The following FGGY variants were observed in gnomAD, a reference collection of about 807,000 sequenced individuals.
FGGY encodes FGGY carbohydrate kinase domain-containing protein.
In FGGY, 72 loss-of-function variants were observed where a neutral mutation model predicts 71.3. That is an observed-to-expected ratio of 1.01 (90% CI 0.84 to 1.23). The LOEUF is 1.23. Ranked by LOEUF, FGGY falls within the 50% of genes most tolerant of loss-of-function variation. The pLI is 0.00. For missense variants in FGGY, 668 were observed against 682.3 expected (o/e 0.98, Z 0.23); for synonymous variants, 251 against 250.3 (o/e 1.00, Z -0.02).
At chr1:59,581,983 G>C (rs7523439) in intron 8 of FGGY, among the ~76,000 whole-genome samples, 1 of 149,420 alleles carries the variant, frequency 6.7e-6, no homozygotes, top group Non-Finnish European at 1.5e-5. Flanking sequence ...AAACCCAAAA[G>C]GAGCTTTAAA....
chr1:59,348,563 A>T (rs1450359163), intron 4 of FGGY, among the ~76,000 whole-genome samples: 1 of 152,112 alleles, frequency 6.6e-6, no homozygotes, highest in Non-Finnish European at 1.5e-5. Flanking sequence ...GAAGTAGAGA[A>T]TCCATCTAAT....
rs532939230 is a variant in FGGY at position 59,731,814 on chromosome 1, A to T, written c.1513-26117A>T. 8.5e-5 allele frequency among the ~76,000 whole-genome samples: 13 copies of T among 152,130 alleles called. 1 individual carries two copies. In the South Asian group the frequency reaches 1.5e-3, roughly 17 times the overall value. ...TGCCTCTGAGTGTTCTAAGAGTCAGAATCCCCTGGAATCTGGCTCTGATCC... is the reference window on the plus strand; with the variant it reads ...TGCCTCTGAGTGTTCTAAGAGTCAGTATCCCCTGGAATCTGGCTCTGATCC... On this transcript the variant is annotated intron_variant, in intron 14 of 15. Coordinates refer to ENST00000303721, the MANE Select transcript of FGGY (RefSeq NM_018291.5).
chr1:59,513,940 C>T (rs114307617), intron 7 of FGGY, among the ~76,000 whole-genome samples: 2,147 of 152,362 alleles, frequency 0.014, 27 homozygotes, highest in Non-Finnish European at 0.018. Context: ...TCCTCAGGAT[C>T]TAAAACAGTG....
intron 14 of FGGY, among the ~76,000 whole-genome samples, chr1:59,750,644 C>A (rs2098237511): frequency 6.6e-6 from 1 of 152,152 alleles, no homozygotes; most frequent in African/African-American, 2.4e-5. Context: ...GTCTCCAATT[C>A]ATGGGGGTTA....
In FGGY at chr1:59,596,037, G is replaced by A. The variant is rs1411197492; in HGVS notation, c.904-11766G>A. Among the ~76,000 whole-genome samples, 6 of 152,212 alleles carry A rather than the reference G, an allele frequency of 3.9e-5. No individual in the cohort carries two copies. In the East Asian group the frequency reaches 1.2e-3, roughly 29 times the overall value. ...GTGTTTACATACCTTACATATTAGCGTGATCTTTTATAGAGTACAGGCAGA... is the reference window on the plus strand; with the variant it reads ...GTGTTTACATACCTTACATATTAGCATGATCTTTTATAGAGTACAGGCAGA... On this transcript the variant is annotated intron_variant, in intron 8 of 15. Transcript: ENST00000303721.
chr1:59,344,291 T>G (rs539315416), intron 3 of FGGY, among the ~76,000 whole-genome samples: 102 of 151,024 alleles, frequency 6.8e-4, no homozygotes, highest in Non-Finnish European at 1.0e-3. Flanking sequence ...CTTCTTACAT[T>G]GGCTTTTTTT....
At chr1:59,590,738 A>T (rs1272139891) in intron 8 of FGGY, among the ~76,000 whole-genome samples, 1 of 152,182 alleles carries the variant, frequency 6.6e-6, no homozygotes, top group African/African-American at 2.4e-5. Flanking sequence ...AAATTCAACA[A>T]CGCCTTATGC....
intron 5 of FGGY, among the ~76,000 whole-genome samples, chr1:59,388,145 G>A (rs1226115400): frequency 6.6e-6 from 1 of 151,890 alleles, no homozygotes; most frequent in Non-Finnish European, 1.5e-5. Context: ...ACATACATAG[G>A]AGTTGGGGCA....
At chr1:59,442,589 A>T (rs2070210512) in intron 5 of FGGY, among the ~76,000 whole-genome samples, 1 of 152,126 alleles carries the variant, frequency 6.6e-6, no homozygotes, top group African/African-American at 2.4e-5. Flanking sequence ...TCTTGTGTGG[A>T]AAATCTTAAT....
chr1:59,746,101 G>A (rs1204074805), intron 14 of FGGY, among the ~76,000 whole-genome samples: 6 of 152,124 alleles, frequency 3.9e-5, no homozygotes, highest in Non-Finnish European at 8.8e-5. Flanking sequence ...TAAACCTCCA[G>A]GTAGATAGGG....
intron 14 of FGGY, among the ~76,000 whole-genome samples, chr1:59,743,743 T>A (rs753662480): frequency 1.3e-5 from 2 of 152,246 alleles, no homozygotes; most frequent in African/African-American, 2.4e-5. Context: ...TTTCTTTGTT[T>A]GTTTTAAGTA....
At chr1:59,604,155 T>G (rs1204108237) in intron 8 of FGGY, among the ~76,000 whole-genome samples, 1 of 152,222 alleles carries the variant, frequency 6.6e-6, no homozygotes, top group Non-Finnish European at 1.5e-5. Context: ...CTGTCATCAA[T>G]GTAGTATGAT....
intron 4 of FGGY, among the ~76,000 whole-genome samples, chr1:59,357,150 T>C (rs1050235236): frequency 1.3e-5 from 2 of 152,220 alleles, no homozygotes; most frequent in Non-Finnish European, 2.9e-5. Flanking sequence ...TTGAGGCTGA[T>C]GGCTTGCCTT....
At chr1:59,513,426 A>G (rs1055846347) in intron 7 of FGGY, among the ~76,000 whole-genome samples, 1 of 152,176 alleles carries the variant, frequency 6.6e-6, no homozygotes, top group Non-Finnish European at 1.5e-5. Flanking sequence ...CTTGGCACAC[A>G]TGTTCTTTGT....
chr1:59,579,877 A>G (rs1193858268), intron 8 of FGGY, among the ~76,000 whole-genome samples: 1 of 152,100 alleles, frequency 6.6e-6, no homozygotes, highest in Non-Finnish European at 1.5e-5. Flanking sequence ...AAAATAAAAG[A>G]TCTGTTCCTC....
At chr1:59,748,090 C>A (rs1293694014) in intron 14 of FGGY, among the ~76,000 whole-genome samples, 2 of 151,952 alleles carry the variant, frequency 1.3e-5, no homozygotes, top group Non-Finnish European at 2.9e-5. Flanking sequence ...CAGTACCTTG[C>A]GTAAAATAGG....
chr1:59,587,633 G>A (rs1393292461), intron 8 of FGGY, among the ~76,000 whole-genome samples: 2 of 152,202 alleles, frequency 1.3e-5, no homozygotes, highest in Non-Finnish European at 1.5e-5. Flanking sequence ...TGCATTCGCG[G>A]TTCACGATAA....
intron 5 of FGGY, among the ~76,000 whole-genome samples, chr1:59,441,275 A>C (rs1207211325): frequency 6.6e-6 from 1 of 152,168 alleles, no homozygotes; most frequent in Non-Finnish European, 1.5e-5. Context: ...TGGCTAGAGC[A>C]TTCTAAGTGG....
intron 14 of FGGY, among the ~76,000 whole-genome samples, chr1:59,705,358 G>A (rs950905740): frequency 1.3e-5 from 2 of 152,104 alleles, no homozygotes; most frequent in Admixed American, 6.6e-5. Context: ...GACTGATAAT[G>A]TTTTAGACTT....
Sources: gnomAD v4.1 joint callset for allele counts (sites outside exome capture counted in the v4.1 genomes callset) on GRCh38, gnomAD v4.1.1 for gene constraint, MANE v1.5 for transcripts, NCBI Gene and HGNC (gene_info 2026-07-23, HGNC 2026-07-21) for gene names.